The following SGCD variants were observed in gnomAD, a reference collection of about 807,000 sequenced individuals.
The protein encoded by SGCD is sarcoglycan delta, also known as delta-sarcoglycan.
A neutral mutation model predicts 36.6 loss-of-function variants in SGCD; 18 were observed. The ratio of observed to expected loss-of-function variants is 0.49; its 90% confidence interval spans 0.34 to 0.73. The LOEUF is 0.73. SGCD is among the 30% of genes least tolerant of loss of function. The pLI, the probability that SGCD is intolerant of heterozygous loss-of-function variation, is 0.01. For synonymous variants in SGCD, 133 were observed against 130.6 expected (o/e 1.02, Z -0.12); for missense variants, 387 against 346.7 (o/e 1.12, Z -0.92).
intron 1 of SGCD, among the ~76,000 whole-genome samples, chr5:155,899,018 C>T (rs1295815941): frequency 6.6e-5 from 10 of 152,144 alleles, no homozygotes; most frequent in African/African-American, 2.4e-4. Context: ...CATGCAGGGA[C>T]ATGGGGTTAT....
At chr5:156,172,141 G>A (rs1266218342) in intron 3 of SGCD, among the ~76,000 whole-genome samples, 1 of 152,080 alleles carries the variant, frequency 6.6e-6, no homozygotes, top group African/African-American at 2.4e-5. Flanking sequence ...AAAACTAGCT[G>A]GGCATGGTGG....
At chr5:155,817,850 C>A in the SGCD span, among the ~76,000 whole-genome samples, 1 of 152,150 alleles carries the variant, frequency 6.6e-6, no homozygotes, top group East Asian at 1.9e-4. Flanking sequence ...AACAGCTCTG[C>A]AGAATGAACA....
At chr5:156,124,804 A>G (rs1762132455) in intron 3 of SGCD, among the ~76,000 whole-genome samples, 1 of 152,016 alleles carries the variant, frequency 6.6e-6, no homozygotes, top group Non-Finnish European at 1.5e-5. Context: ...TAGAACCACC[A>G]TTTGTGGAGT....
chr5:156,559,000 T>G (rs1158712778), intron 4 of SGCD, among the ~76,000 whole-genome samples: 1 of 143,742 alleles, frequency 7.0e-6, no homozygotes, highest in Non-Finnish European at 1.5e-5. Context: ...CCATTCACTT[T>G]GCGAAGAATA....
chr5:156,746,551 C>T (rs549684358), intron 7 of SGCD, among the ~76,000 whole-genome samples: 2 of 151,808 alleles, frequency 1.3e-5, no homozygotes, highest in African/African-American at 4.8e-5. Context: ...GATAAATACA[C>T]CAGAGAGTTT....
intron 1 of SGCD, among the ~76,000 whole-genome samples, chr5:156,017,103 G>A (rs1759000301): frequency 6.6e-6 from 1 of 152,114 alleles, no homozygotes; most frequent in African/African-American, 2.4e-5. Context: ...TAATGGTTGG[G>A]AAATTTGCAT....
chr5:156,155,127 C>A (rs907972001), intron 3 of SGCD, among the ~76,000 whole-genome samples: 1 of 151,676 alleles, frequency 6.6e-6, no homozygotes. Flanking sequence ...TGGGACCAGG[C>A]TTTTCTTCTC....
chr5:156,172,188 G>A (rs1469980435), intron 3 of SGCD, among the ~76,000 whole-genome samples: 1 of 152,210 alleles, frequency 6.6e-6, no homozygotes, highest in Non-Finnish European at 1.5e-5. Flanking sequence ...GGAGGCTGAG[G>A]CAGGAGAATC....
At chr5:156,551,572 C>T (rs149857465) in intron 4 of SGCD, among the ~76,000 whole-genome samples, 5 of 151,128 alleles carry the variant, frequency 3.3e-5, no homozygotes, top group East Asian at 2.0e-4. Flanking sequence ...GGTGAAAATT[C>T]GACAGTCACT....
chr5:156,028,865 G>T (rs1759280547), intron 1 of SGCD, among the ~76,000 whole-genome samples: 1 of 152,134 alleles, frequency 6.6e-6, no homozygotes, highest in Admixed American at 6.6e-5. Flanking sequence ...GTCAAAGAAA[G>T]ATTTTTAATG....
intron 7 of SGCD, among the ~76,000 whole-genome samples, chr5:156,750,959 A>T (rs1441844357): frequency 6.6e-6 from 1 of 152,218 alleles, no homozygotes; most frequent in Admixed American, 6.5e-5. Context: ...TACAGTGTCC[A>T]TGGATTGAAT....
rs527878961 is a variant in SGCD, at chr5:156,743,885, C to G, written c.576-13696C>G. Among the ~76,000 whole-genome samples, 3 of 152,310 alleles carry G rather than the reference C, an allele frequency of 2.0e-5. No homozygotes were observed. In the East Asian group the frequency reaches 5.8e-4, roughly 29 times the overall value. On this transcript the variant is annotated intron_variant, in intron 7 of 8. Transcript: ENST00000337851. ...ACCCTTATTTGACTTAAAAGTAGAA[C>G]TTATATAATTAGAGAAGATTATGTT...
upstream of SGCD, among the ~76,000 whole-genome samples, chr5:156,326,181 G>T (rs188049267): frequency 9.7e-4 from 148 of 152,298 alleles, no homozygotes; most frequent in Non-Finnish European, 1.3e-3. Flanking sequence ...TGTGGGAGAA[G>T]AGGGGTGTCC....
intron 7 of SGCD, among the ~76,000 whole-genome samples, chr5:156,748,582 A>T (rs1757032229): frequency 6.6e-6 from 1 of 152,226 alleles, no homozygotes; most frequent in African/African-American, 2.4e-5. Flanking sequence ...AAGAGGATAA[A>T]CCAATTCCAA....
the SGCD span, among the ~76,000 whole-genome samples, chr5:155,812,338 A>C: frequency 6.6e-6 from 1 of 152,186 alleles, no homozygotes; most frequent in Non-Finnish European, 1.5e-5. Context: ...CCCTGACTGC[A>C]CGTCCATTCA....
At chr5:156,283,856 T>C (rs1296066911) in intron 3 of SGCD, among the ~76,000 whole-genome samples, 1 of 152,166 alleles carries the variant, frequency 6.6e-6, no homozygotes, top group East Asian at 1.9e-4. Flanking sequence ...ATGCTGAATA[T>C]CTGTTTGACG....
intron 3 of SGCD, among the ~76,000 whole-genome samples, chr5:156,196,502 A>G (rs1764028417): frequency 6.6e-6 from 1 of 152,196 alleles, no homozygotes; most frequent in Non-Finnish European, 1.5e-5. Context: ...AATGTTAAAG[A>G]TATTTGGTCT....
rs1339357549 is a variant in SGCD at position 156,025,891 on chromosome 5, A to T, written c.-281-91987A>T. ...GTAGTTTTGTTCATGCTGTTTAAAC[A>T]TTCCATTGGCCCTTTATTTTAAAAG... On this transcript the variant is annotated intron_variant, in intron 1 of 9. Coordinates refer to the SGCD transcript ENST00000517913. 2.0e-5 allele frequency among the ~76,000 whole-genome samples: 3 copies of T among 152,348 alleles called. No homozygotes were observed. The East Asian group carries it at 5.8e-4, about 29-fold the overall frequency.
At chr5:156,385,466 A>C (rs1771226720) in intron 3 of SGCD, among the ~76,000 whole-genome samples, 1 of 152,272 alleles carries the variant, frequency 6.6e-6, no homozygotes, top group Admixed American at 6.5e-5. Context: ...GTACATTTTG[A>C]AGTTAAAGAT....
Sources: gnomAD v4.1 joint callset for allele counts (sites outside exome capture counted in the v4.1 genomes callset) on GRCh38, gnomAD v4.1.1 for gene constraint, MANE v1.5 for transcripts, NCBI Gene and HGNC (gene_info 2026-07-23, HGNC 2026-07-21) for gene names.